The following LMBR1 variants were observed in gnomAD, a reference collection of about 807,000 sequenced individuals.
The protein encoded by LMBR1 is limb region 1 protein homolog.
LMBR1 carries 52 observed loss-of-function variants against 73.9 expected under a neutral mutation model. The observed-to-expected ratio is 0.70, with a 90% CI of 0.56 to 0.89. The LOEUF (loss-of-function observed/expected upper bound fraction) is 0.89, where lower values mean the gene tolerates loss of function less well. Among genes scored for constraint, LMBR1 ranks in the 40% least tolerant of loss-of-function variants. The pLI is 0.00. For synonymous variants in LMBR1, 215 were observed against 209.4 expected (o/e 1.03, Z -0.23); for missense variants, 539 against 579.8 (o/e 0.93, Z 0.72).
intron 1 of LMBR1, among the ~76,000 whole-genome samples, chr7:156,866,783 T>C (rs912985239): frequency 1.8e-4 from 27 of 152,078 alleles, no homozygotes; most frequent in Admixed American, 1.3e-3. Context: ...TTTGTATTTT[T>C]AGCAGAGACG....
chr7:156,796,015 G>C (rs1384361816), intron 5 of LMBR1, among the ~76,000 whole-genome samples: 3 of 152,174 alleles, frequency 2.0e-5, no homozygotes, highest in Non-Finnish European at 4.4e-5. Flanking sequence ...TTCAGCTGCA[G>C]ACTGTTAACG....
chr7:156,867,557 G>A (rs1798640236), intron 1 of LMBR1, among the ~76,000 whole-genome samples: 1 of 152,076 alleles, frequency 6.6e-6, no homozygotes, highest in Non-Finnish European at 1.5e-5. Context: ...TCCAAGTAAT[G>A]GAATATTATT....
chr7:156,820,629 G>A (rs1265833850), intron 4 of LMBR1, among the ~76,000 whole-genome samples: 2 of 152,204 alleles, frequency 1.3e-5, no homozygotes, highest in Non-Finnish European at 2.9e-5. Context: ...TTTCTAAGGT[G>A]AAGGATAAAT....
In LMBR1 at chr7:156,669,971, C is replaced by T. The variant is rs1182955435; in HGVS notation, n.867-684G>A. Reference sequence around the variant, plus strand: ...AAAGAAAACATGGGAAAGTGCCATCCAAGTACTAAAAGTATAAAGCTGTAT... The same window carrying T: ...AAAGAAAACATGGGAAAGTGCCATCTAAGTACTAAAAGTATAAAGCTGTAT... On this transcript the variant is annotated intron_variant and non_coding_transcript_variant, in intron 4 of 4. Transcript: ENST00000430825. This position sits in a 1 kb window ranked among gnomAD's most constrained non-coding sequence, Gnocchi z 4.2. 6.6e-6 allele frequency among the ~76,000 whole-genome samples: 1 copy of T among 152,174 alleles called. No homozygotes were observed. The highest frequency in any genetic ancestry group is 1.5e-5 in the Non-Finnish European group (1 of 68,034).
At chr7:156,821,232 C>T (rs1259343686) in intron 4 of LMBR1, among the ~76,000 whole-genome samples, 1 of 152,216 alleles carries the variant, frequency 6.6e-6, no homozygotes, top group Admixed American at 6.5e-5. Flanking sequence ...AAAGAAGTGC[C>T]GCCAATGCCG....
At chr7:156,744,906 C>A (rs1458471646) in intron 9 of LMBR1, among the ~76,000 whole-genome samples, 1 of 152,146 alleles carries the variant, frequency 6.6e-6, no homozygotes, top group Non-Finnish European at 1.5e-5. Flanking sequence ...CTCATGGTCC[C>A]TTCCTTGAGT....
intron 15 of LMBR1, among the ~76,000 whole-genome samples, chr7:156,713,240 G>A (rs191282987): frequency 6.3e-4 from 96 of 152,286 alleles, no homozygotes; most frequent in Non-Finnish European, 1.2e-3. Flanking sequence ...GTGAGAGAGA[G>A]AGAGAGGGAT....
At chr7:156,858,203 C>T (rs1005468219) in intron 1 of LMBR1, among the ~76,000 whole-genome samples, 4 of 151,610 alleles carry the variant, frequency 2.6e-5, no homozygotes, top group African/African-American at 9.7e-5. Context: ...GCCAGGCCAA[C>T]CAAGTAGAAA....
At chr7:156,852,584 G>C (rs915720123) in intron 1 of LMBR1, among the ~76,000 whole-genome samples, 4 of 152,188 alleles carry the variant, frequency 2.6e-5, no homozygotes, top group African/African-American at 9.7e-5. Context: ...ATTTGGAAAA[G>C]TAACACCAAA....
intron 15 of LMBR1, among the ~76,000 whole-genome samples, chr7:156,714,840 TTACTA>T (rs1289972668): frequency 6.6e-5 from 10 of 152,100 alleles, no homozygotes; most frequent in Non-Finnish European, 4.4e-5. Flanking sequence ...AAAGACTGAC[TTACTA>T]AAAACAATTA....
intron 4 of LMBR1, chr7:156,822,423 A>T (rs901507400): frequency 6.6e-6 from 1 of 152,214 alleles, no homozygotes; most frequent in Non-Finnish European, 1.5e-5. Context: ...TTGAAATTCA[A>T]GCCCAGGTCT....
chr7:156,710,697 T>A (rs1315140869), intron 15 of LMBR1, among the ~76,000 whole-genome samples: 2 of 152,166 alleles, frequency 1.3e-5, no homozygotes, highest in African/African-American at 2.4e-5. Flanking sequence ...CACAAAATGA[T>A]CATCACACAA....
intron 1 of LMBR1, among the ~76,000 whole-genome samples, chr7:156,858,823 A>G (rs975765435): frequency 4.6e-5 from 7 of 152,226 alleles, no homozygotes; most frequent in Non-Finnish European, 8.8e-5. Flanking sequence ...CTATCAATAG[A>G]TGCAGGAAAA....
At chr7:156,742,970 A>G (rs574116494) in intron 9 of LMBR1, among the ~76,000 whole-genome samples, 2 of 152,356 alleles carry the variant, frequency 1.3e-5, no homozygotes, top group South Asian at 4.1e-4. Context: ...GTGATACATC[A>G]TATCAATGGA....
intron 1 of LMBR1, among the ~76,000 whole-genome samples, chr7:156,886,294 C>T (rs1801891748): frequency 1.3e-5 from 2 of 152,150 alleles, no homozygotes; most frequent in South Asian, 2.1e-4. Flanking sequence ...TTATGCTGAA[C>T]GGGTTGGCCA....
At chr7:156,779,828 T>C (rs1585738939) in intron 5 of LMBR1, 2 of 451,448 alleles carry the variant, frequency 4.4e-6, no homozygotes, top group South Asian at 1.9e-5. Context: ...AAAATAAATA[T>C]CAAGCTATTG....
intron 1 of LMBR1, among the ~76,000 whole-genome samples, chr7:156,862,327 C>A (rs1441947614): frequency 6.6e-6 from 1 of 152,140 alleles, no homozygotes; most frequent in Non-Finnish European, 1.5e-5. Flanking sequence ...AGGGGAAAGA[C>A]CTACCTCCAT....
chr7:156,847,348 CAAAGGAGA>C (rs1795637131), intron 1 of LMBR1, among the ~76,000 whole-genome samples: 1 of 152,100 alleles, frequency 6.6e-6, no homozygotes, highest in African/African-American at 2.4e-5. Context: ...TAGAAGATAA[CAAAGGAGA>C]AAATCTAGAT....
Position 156,762,183 on chromosome 7 carries a change from C to A in LMBR1, c.635G>T (p.Gly212Val). The A allele has an allele frequency of 6.2e-7, 1 of 1,610,892 alleles. No individual in the cohort carries two copies. Among genetic ancestry groups the A allele is most frequent in the Non-Finnish European group, 8.5e-7 (1 of 1,177,244 alleles). Residue 212 changes from glycine to valine, a missense_variant, in exon 8 of 17, where the codon GGC becomes GTC. Gly to Val is a moderately radical substitution (Grantham distance 109). Transcript: ENST00000353442. Reference sequence around the variant, plus strand: ...CATCACTGTGAACATACGAGAAAGGCCAACTGGTGTACACACTGCAGAAAT... The same window carrying A: ...CATCACTGTGAACATACGAGAAAGGACAACTGGTGTACACACTGCAGAAAT... The part of the protein sequence containing the change: ...CLLLLLCTPV[G>V]LSRMFTVMGQ...
Sources: gnomAD v4.1 joint callset for allele counts (sites outside exome capture counted in the v4.1 genomes callset) on GRCh38, gnomAD v4.1.1 for gene constraint, Gnocchi (gnomAD v3.1) non-coding constraint, MANE v1.5 for transcripts, NCBI Gene and HGNC (gene_info 2026-07-23, HGNC 2026-07-21) for gene names.